Variants in AGAP1 observed in about 807,000 individuals in gnomAD.
AGAP1 encodes ArfGAP with GTPase domain, ankyrin repeat and PH domain 1, also known as arf-GAP with GTPase, ANK repeat and PH domain-containing protein 1.
Under a neutral mutation model 105.3 loss-of-function variants are expected in AGAP1, and 29 were observed. The ratio of observed to expected loss-of-function variants is 0.28; its 90% CI spans 0.21 to 0.38. The LOEUF is 0.38. Among genes scored for constraint, AGAP1 ranks in the 10% least tolerant of loss-of-function variants. The probability of loss-of-function intolerance (pLI) is 1.00; values close to 1 mark genes in which losing one functional copy is unlikely to be tolerated. For synonymous variants in AGAP1, 509 were observed against 485.9 expected (o/e 1.05, Z -0.63); for missense variants, 998 against 1,165.1 (o/e 0.86, Z 2.09).
In AGAP1 at chr2:235,750,532, C is replaced by T. The variant is rs374400240; in HGVS notation, c.673+44C>T. On this transcript the variant is annotated intron_variant, in intron 6 of 17. Coordinates refer to ENST00000304032, the MANE Select transcript of AGAP1 (RefSeq NM_001037131.3). This position sits in a 1 kb window ranked among gnomAD's most constrained non-coding sequence, Gnocchi z 5.3. ...GAGTTTAATTTCAGTTCATGATAGACGGGAGGCACTTCAAGAAGTCAGTCC... is the reference window on the plus strand; with the variant it reads ...GAGTTTAATTTCAGTTCATGATAGATGGGAGGCACTTCAAGAAGTCAGTCC... The T allele has an allele frequency of 2.4e-5, 39 of 1,610,170 alleles. No homozygotes were observed. The highest frequency in any genetic ancestry group is 1.9e-4 in the African/African-American group (14 of 74,842).
chr2:235,556,843 TCTTGG>T lies in AGAP1; in HGVS notation c.163+61997_163+62001del, dbSNP rs994694375. ...TGGAGTGAATGTGTTACTGGAAGTG[TCTTGG>T]CTAAATTCCTGACCTAAGCTTGTGT... is the stretch of plus-strand genomic sequence containing the variant. On this transcript the variant is annotated intron_variant, in intron 1 of 17. Transcript: ENST00000304032. The surrounding 1 kb of genome is among the most constrained non-coding windows in gnomAD (Gnocchi z 5.3). Among the ~76,000 whole-genome samples, 1 of 152,216 alleles carries T rather than the reference TCTTGG, an allele frequency of 6.6e-6. No homozygotes were observed. Among genetic ancestry groups the T allele is most frequent in the African/African-American group, 2.4e-5 (1 of 41,444 alleles).
At chr2:235,670,924 G>C in intron 1 of AGAP1, 1 of 1,334,760 alleles carries the variant, frequency 7.5e-7, no homozygotes, top group Non-Finnish European at 9.5e-7. Flanking sequence ...TCGCGCGCAG[G>C]GACGGGGGCC....
rs1004195930 is a variant in AGAP1 at position 235,977,740 on chromosome 2, A to G, written c.1645+9117A>G. On this transcript the variant is annotated intron_variant, in intron 13 of 17. Coordinates refer to ENST00000304032, the MANE Select transcript of AGAP1 (RefSeq NM_001037131.3). The surrounding 1 kb of genome is among the most constrained non-coding windows in gnomAD (Gnocchi z 5.2). ...CAGTGGCGACTTCATTCCTCTTTCT[A>G]AAGATGTAAAACAAAAGGGGATATT... 6.6e-6 allele frequency among the ~76,000 whole-genome samples: 1 copy of G among 152,134 alleles called. No homozygotes were observed.
Position 235,864,726 on chromosome 2 carries a change from T to TG in AGAP1, c.1051-18616dup, listed in dbSNP as rs1190287956. The stretch of plus-strand genomic sequence containing the variant: ...TCAAGAGGGGATCTGTCAGTCCTGG[T>TG]GGGAAAAAAAAACATTTTGTTTTTC... On this transcript the variant is annotated intron_variant, in intron 9 of 17. Transcript: ENST00000304032. The surrounding 1 kb of genome is among the most constrained non-coding windows in gnomAD (Gnocchi z 5.0). 6.6e-6 allele frequency among the ~76,000 whole-genome samples: 1 copy of TG among 152,110 alleles called. No homozygotes were observed. The highest frequency in any genetic ancestry group is 1.5e-5 in the Non-Finnish European group (1 of 68,010).
rs921178698 is a variant in AGAP1 at position 236,090,135 on chromosome 2, G to T, written c.2115-30057G>T. ...CGCGCCTGAGCCCTTCACAGAGACC[G>T]GCCGTGTCCTCACCCCTCTGTCACC... On this transcript the variant is annotated intron_variant, in intron 16 of 17. Coordinates refer to ENST00000304032, the MANE Select transcript of AGAP1 (RefSeq NM_001037131.3). The surrounding 1 kb of genome is among the most constrained non-coding windows in gnomAD (Gnocchi z 4.3). Among the ~76,000 whole-genome samples, 1 of 152,136 alleles carries T rather than the reference G, an allele frequency of 6.6e-6. No individual in the cohort carries two copies. Among genetic ancestry groups the T allele is most frequent in the African/African-American group, 2.4e-5 (1 of 41,418 alleles).
intron 3 of AGAP1, among the ~76,000 whole-genome samples, chr2:235,738,818 A>G (rs867030544): frequency 6.6e-6 from 1 of 152,068 alleles, no homozygotes; most frequent in Non-Finnish European, 1.5e-5. Context: ...TCGGCCTCCC[A>G]AAGTGTTGGG....
At chr2:235,572,203 G>A (rs1944550956) in intron 1 of AGAP1, among the ~76,000 whole-genome samples, 1 of 151,622 alleles carries the variant, frequency 6.6e-6, no homozygotes, top group African/African-American at 2.4e-5. Context: ...TTGAGGGTGG[G>A]GGGAGATTGC....
At position 235,705,128 on chromosome 2, in the gene AGAP1, G is replaced by A. The variant is rs1437202019; in HGVS notation, c.164-4051G>A. ...CGAGCAGCTGGGATTACAATCATGT[G>A]CCACCACGCCTGGCTAATTTTTGTA... is the stretch of plus-strand genomic sequence containing the variant. On this transcript the variant is annotated intron_variant, in intron 1 of 17. Transcript: ENST00000304032. The surrounding 1 kb of genome is among the most constrained non-coding windows in gnomAD (Gnocchi z 4.9). Among the ~76,000 whole-genome samples, 1 of 152,022 alleles carries A rather than the reference G, an allele frequency of 6.6e-6. No individual in the cohort carries two copies.
rs1047259257 is a variant in AGAP1 at position 235,639,876 on chromosome 2, A to G, written c.164-69303A>G. Among the ~76,000 whole-genome samples the G allele has an allele frequency of 6.6e-6, 1 of 151,982 alleles. No individual in the cohort carries two copies. Among genetic ancestry groups the G allele is most frequent in the Admixed American group, 6.6e-5 (1 of 15,266 alleles). ...TCTTGAGGGGTCCACGGATTGATAG[A>G]GTCAGCAGGGATGGACAGTTTCCCC... On this transcript the variant is annotated intron_variant, in intron 1 of 17. Transcript: ENST00000304032. This position sits in a 1 kb window ranked among gnomAD's most constrained non-coding sequence, Gnocchi z 5.3.
At chr2:235,513,998 A>G (rs1257339711) in intron 1 of AGAP1, among the ~76,000 whole-genome samples, 1 of 152,208 alleles carries the variant, frequency 6.6e-6, no homozygotes, top group Non-Finnish European at 1.5e-5. Flanking sequence ...GATAACTCCC[A>G]GGCTCCTGTT....
At position 236,058,985 on chromosome 2, in the gene AGAP1, G is replaced by A. The variant is rs1389642642; in HGVS notation, c.2114+9704G>A. ...TTCAAGGCTGCAGTGGGCCACAATC[G>A]CACCACCACTTTCCAGCCTGGGGAA... is the stretch of plus-strand genomic sequence containing the variant. On this transcript the variant is annotated intron_variant, in intron 16 of 17. Transcript: ENST00000304032. This position sits in a 1 kb window ranked among gnomAD's most constrained non-coding sequence, Gnocchi z 4.6. Among the ~76,000 whole-genome samples the A allele has an allele frequency of 3.3e-5, 5 of 151,984 alleles. No homozygotes were observed. The East Asian group carries it at 7.7e-4, about 23-fold the overall frequency.
rs138507269 is a variant in AGAP1 at position 235,704,939 on chromosome 2, C to T, written c.164-4240C>T. Among the ~76,000 whole-genome samples, 14 of 145,644 alleles carry T rather than the reference C, an allele frequency of 9.6e-5. No homozygotes were observed. In the East Asian group the frequency reaches 2.9e-3, roughly 30 times the overall value. On this transcript the variant is annotated intron_variant, in intron 1 of 17. Transcript: ENST00000304032. ...TGGGAAGGATCATTACTATCACCAA[C>T]GTCGATTGTAAAATACAAGATGCTT...
At chr2:236,029,566 G>A (rs550073089) in intron 13 of AGAP1, among the ~76,000 whole-genome samples, 1 of 152,180 alleles carries the variant, frequency 6.6e-6, no homozygotes, top group South Asian at 2.1e-4. Context: ...GATCACAGGT[G>A]TGAGCCACTG....
At chr2:235,499,120 G>A (rs189435535) in intron 1 of AGAP1, among the ~76,000 whole-genome samples, 7 of 152,294 alleles carry the variant, frequency 4.6e-5, no homozygotes, top group East Asian at 1.9e-4. Context: ...ACACTTGTGC[G>A]AGAGCGGTGA....
In AGAP1 at chr2:236,044,521, C is replaced by A. The variant is rs189357684; in HGVS notation, c.1891+3680C>A. 4.6e-5 allele frequency among the ~76,000 whole-genome samples: 7 copies of A among 152,210 alleles called. No homozygotes were observed. In the East Asian group the frequency reaches 1.4e-3, roughly 29 times the overall value. ...CCCTGCTGCGTGGACCTCACAGGTGCCCCTCTCTCCTGGGCCTTTCTCATG... is the reference window on the plus strand; with the variant it reads ...CCCTGCTGCGTGGACCTCACAGGTGACCCTCTCTCCTGGGCCTTTCTCATG... On this transcript the variant is annotated intron_variant, in intron 15 of 17. Coordinates refer to ENST00000304032, the MANE Select transcript of AGAP1 (RefSeq NM_001037131.3). The surrounding 1 kb of genome is among the most constrained non-coding windows in gnomAD (Gnocchi z 5.7).
chr2:235,939,576 G>A (rs985928536), intron 12 of AGAP1, among the ~76,000 whole-genome samples: 3 of 73,832 alleles, frequency 4.1e-5, no homozygotes, highest in South Asian at 6.6e-4. Flanking sequence ...CAGGACACTC[G>A]TCTGTCCTCA....
chr2:235,814,383 C>G (rs1958331918), intron 9 of AGAP1, among the ~76,000 whole-genome samples: 1 of 152,204 alleles, frequency 6.6e-6, no homozygotes, highest in East Asian at 1.9e-4. Flanking sequence ...ACAAGCTCTC[C>G]TACAAGTAGA....
rs775485738 is a variant in AGAP1, at chr2:236,014,835, T to C, written c.1646-21726T>C. 23 of 459,474 alleles carry C rather than the reference T, an allele frequency of 5.0e-5. 1 individual carries two copies. Among genetic ancestry groups the C allele is most frequent in the Middle Eastern group, 3.3e-4 (1 of 3,052 alleles). The allele number at this position is 459,474 out of a possible 1,614,324, so 28.5% of individuals were successfully genotyped here. ...CGCAAAGCATGGAAACTAAACCGTG[T>C]TGGTAGCCTGCGAAATATATACAGC... is the stretch of plus-strand genomic sequence containing the variant. On this transcript the variant is annotated intron_variant, in intron 13 of 17. Coordinates refer to ENST00000304032, the MANE Select transcript of AGAP1 (RefSeq NM_001037131.3). The surrounding 1 kb of genome is among the most constrained non-coding windows in gnomAD (Gnocchi z 6.3).
At chr2:235,863,739 G>A (rs1018135160) in intron 9 of AGAP1, among the ~76,000 whole-genome samples, 2 of 152,206 alleles carry the variant, frequency 1.3e-5, no homozygotes, top group East Asian at 1.9e-4. Flanking sequence ...GTGTGAGGCG[G>A]GACACCTGGT....
Sources: allele counts gnomAD v4.1 joint callset (sites outside exome capture counted in the v4.1 genomes callset), GRCh38; gene constraint gnomAD v4.1.1; non-coding constraint Gnocchi (gnomAD v3.1); transcripts MANE v1.5; gene names NCBI Gene and HGNC (gene_info 2026-07-23, HGNC 2026-07-21).